CFAP251: variants seen among roughly 807,000 people sequenced by gnomAD.
The protein encoded by CFAP251 is cilia- and flagella-associated protein 251.
In CFAP251, 93 loss-of-function variants were observed where a neutral mutation model predicts 126.7. That is an observed-to-expected ratio of 0.73 (90% CI 0.62 to 0.87). CFAP251 has a LOEUF of 0.87. CFAP251 is among the 40% of genes least tolerant of loss of function. The pLI, the probability that CFAP251 is intolerant of heterozygous loss-of-function variation, is 0.00. For synonymous variants in CFAP251, 503 were observed against 506.9 expected (o/e 0.99, Z 0.10); for missense variants, 1,287 against 1,389.2 (o/e 0.93, Z 1.17).
chr12:121,996,389 T>C (rs1203603002), intron 19 of CFAP251, among the ~76,000 whole-genome samples: 2 of 152,220 alleles, frequency 1.3e-5, no homozygotes, highest in African/African-American at 4.8e-5. Context: ...ACTGGTATAA[T>C]TGGGGTTTCT....
At chr12:121,988,077 G>A (rs1882792239) in intron 19 of CFAP251, among the ~76,000 whole-genome samples, 1 of 151,084 alleles carries the variant, frequency 6.6e-6, no homozygotes, top group South Asian at 2.1e-4. Context: ...TCACAATGAT[G>A]GTGGAAGATA....
Position 121,931,794 on chromosome 12 carries a change from A to G in CFAP251, c.796A>G (p.Ile266Val). The G allele has an allele frequency of 6.2e-7, 1 of 1,604,430 alleles. No homozygotes were observed. Among genetic ancestry groups the G allele is most frequent in the Non-Finnish European group, 8.5e-7 (1 of 1,176,156 alleles). The change falls in exon 4 of 22, where the codon ATT (isoleucine) becomes GTT (valine). Residue 266 changes from isoleucine to valine, a missense_variant. Physicochemically the swap from Ile to Val is conservative, Grantham distance 29. Coordinates refer to ENST00000288912, the MANE Select transcript of CFAP251 (RefSeq NM_144668.6). ...GWNSSLPVYY[I>V]REERQRVLLY... is the part of the protein sequence containing the mutation. ...GAACAGTTCTCTTCCTGTTTACTAT[A>G]TTCGAGAGGAAAGGCAGAGAGTTCT...
chr12:121,927,166 AT>A (rs1321956839), intron 3 of CFAP251, among the ~76,000 whole-genome samples: 2 of 143,312 alleles, frequency 1.4e-5, no homozygotes, highest in Non-Finnish European at 3.0e-5. Flanking sequence ...CATGGCTCAC[AT>A]TTAGTTTTTG....
At chr12:121,969,601 T>A in intron 17 of CFAP251, 1 of 796,384 alleles carries the variant, frequency 1.3e-6, no homozygotes, top group South Asian at 5.7e-5. Flanking sequence ...TTCTCCTGCC[T>A]CAGCCTCCTG....
At chr12:121,936,678 A>G (rs1014843594) in intron 5 of CFAP251, among the ~76,000 whole-genome samples, 1 of 152,014 alleles carries the variant, frequency 6.6e-6, no homozygotes, top group Non-Finnish European at 1.5e-5. Context: ...TGCTGTAATC[A>G]ATGAGAATGC....
chr12:122,002,214 G>C (rs1883166853), intron 21 of CFAP251, among the ~76,000 whole-genome samples: 1 of 152,140 alleles, frequency 6.6e-6, no homozygotes, highest in Admixed American at 6.5e-5. Context: ...AATTAGCCAA[G>C]CATGGTGGCA....
At chr12:121,919,448 T>A (rs916720378) in intron 1 of CFAP251, among the ~76,000 whole-genome samples, 1 of 152,200 alleles carries the variant, frequency 6.6e-6, no homozygotes, top group African/African-American at 2.4e-5. Flanking sequence ...AGGGTTGCTT[T>A]TCTCTCAAAT....
At chr12:121,956,549 G>A (rs982664792) in intron 10 of CFAP251, among the ~76,000 whole-genome samples, 1 of 152,160 alleles carries the variant, frequency 6.6e-6, no homozygotes, top group African/African-American at 2.4e-5. Context: ...AGGCTGGAGT[G>A]CAATGATGCA....
intron 7 of CFAP251, 125 bp from the exon 8 acceptor site, chr12:121,948,859 G>T (rs1630694): frequency 2.4e-5 from 13 of 544,838 alleles, no homozygotes; most frequent in East Asian, 1.7e-4. Flanking sequence ...TACGAAATGC[G>T]GTATCTTTTC....
At chr12:121,958,779 C>T (rs573605353) in intron 12 of CFAP251, among the ~76,000 whole-genome samples, 164 bp from the exon 13 acceptor site, 2 of 152,392 alleles carry the variant, frequency 1.3e-5, no homozygotes, top group African/African-American at 2.4e-5. Flanking sequence ...TGCGTCTCTG[C>T]GCGCTCACCC....
chr12:121,972,489 A>ATT lies in CFAP251; in HGVS notation c.2772-2740_2772-2739dup, dbSNP rs1410124157. 9.0e-3 allele frequency among the ~76,000 whole-genome samples: 1,300 copies of ATT among 143,772 alleles called. 20 individuals are homozygous for ATT. The highest frequency in any genetic ancestry group is 0.036 in the East Asian group (179 of 5,002). 94.3% of individuals were successfully genotyped at this position (143,772 alleles called of 152,430 possible). Reference sequence around the variant, plus strand: ...ATGATTTAAGATATCTGGTAGAGTAATTTTTTTTTTTTTTTTGAGATGGAG... The same window carrying ATT: ...ATGATTTAAGATATCTGGTAGAGTAATTTTTTTTTTTTTTTTTTGAGATGGAG... On this transcript the variant is annotated intron_variant, in intron 17 of 21. Transcript: ENST00000288912.
chr12:121,962,221 T>A, intron 15 of CFAP251, 59 bp downstream of exon 15: 2 of 1,537,318 alleles, frequency 1.3e-6, no homozygotes, highest in Non-Finnish European at 1.8e-6. Context: ...GCCCCCAACC[T>A]GTTTCAGGTC....
chr12:121,924,023 CT>C (rs34885077), intron 3 of CFAP251, 33 bp downstream of exon 3: 1,344,981 of 1,545,542 alleles, frequency 0.87, 586,563 homozygotes, highest in African/African-American at 0.96. Context: ...TCCCCCAGTG[CT>C]TTTGAGAGTG....
At chr12:121,995,478 C>T (rs766827846) in intron 19 of CFAP251, among the ~76,000 whole-genome samples, 2 of 151,870 alleles carry the variant, frequency 1.3e-5, no homozygotes, top group Non-Finnish European at 2.9e-5. Context: ...TATCTGTAAC[C>T]AATAATGTTA....
At chr12:121,941,439 T>C (rs2135762535) in intron 5 of CFAP251, among the ~76,000 whole-genome samples, 1 of 147,466 alleles carries the variant, frequency 6.8e-6, no homozygotes, top group Non-Finnish European at 1.5e-5. Flanking sequence ...ACTCAAGCGA[T>C]ACTCCCACCT....
chr12:121,955,304 A>G (rs1207206066), intron 10 of CFAP251, among the ~76,000 whole-genome samples: 1 of 152,184 alleles, frequency 6.6e-6, no homozygotes. Flanking sequence ...AAAACAAAAC[A>G]AAAATAATAT....
At chr12:121,957,716 A>AG (rs1206106411) in intron 11 of CFAP251, among the ~76,000 whole-genome samples, 1 of 151,444 alleles carries the variant, frequency 6.6e-6, no homozygotes, top group Non-Finnish European at 1.5e-5. Flanking sequence ...AAAAAAAAAA[A>AG]AAAAAAATTA....
intron 9 of CFAP251, 111 bp downstream of exon 9, chr12:121,951,641 G>T: frequency 1.3e-6 from 1 of 760,766 alleles, no homozygotes; most frequent in Non-Finnish European, 2.1e-6. Context: ...TTAAGCTACT[G>T]GGAAATAATT....
intron 19 of CFAP251, among the ~76,000 whole-genome samples, chr12:121,993,865 C>G (rs1882952183): frequency 8.3e-6 from 1 of 120,170 alleles, no homozygotes; most frequent in Non-Finnish European, 1.7e-5. Flanking sequence ...AGCCCCCCCG[C>G]CCGGCCAGCC....
Sources: allele counts gnomAD v4.1 joint callset (sites outside exome capture counted in the v4.1 genomes callset), GRCh38; gene constraint gnomAD v4.1.1; transcripts MANE v1.5; gene names NCBI Gene and HGNC (gene_info 2026-07-23, HGNC 2026-07-21).